The following SLC26A4 variants were observed in gnomAD, a reference collection of about 807,000 sequenced individuals.
SLC26A4 encodes the protein solute carrier family 26 member 4.
A neutral mutation model predicts 90.4 loss-of-function variants in SLC26A4; 93 were observed. The ratio of observed to expected loss-of-function variants is 1.03; its 90% CI spans 0.87 to 1.22. SLC26A4 has a LOEUF of 1.22. Among genes scored for constraint, SLC26A4 ranks in the 50% most tolerant of loss-of-function variants. The pLI is 0.00. For synonymous variants in SLC26A4, 393 were observed against 354.6 expected (o/e 1.11, Z -1.22); for missense variants, 1,127 against 946.2 (o/e 1.19, Z -2.51).
At chr7:107,706,712 C>A (rs1792044537) in intron 18 of SLC26A4, among the ~76,000 whole-genome samples, 1 of 152,078 alleles carries the variant, frequency 6.6e-6, no homozygotes, top group Non-Finnish European at 1.5e-5. Context: ...GATAATATAA[C>A]CAATGTTTTC....
At position 107,694,438 on chromosome 7, in the gene SLC26A4, C is replaced by T. The variant is rs397516415; in HGVS notation, c.1299C>T (p.Ile433=). 9 of 1,613,648 alleles carry T rather than the reference C, an allele frequency of 5.6e-6. No individual in the cohort carries two copies. The highest frequency in any genetic ancestry group is 1.1e-5 in the South Asian group (1 of 91,082). The change falls in exon 11 of 21, where the codon ATC becomes ATT. Residue 433 remains isoleucine, a synonymous_variant. Coordinates refer to ENST00000644269, the MANE Select transcript of SLC26A4 (RefSeq NM_000441.2). ...TCATCTCTGCTGCGATTGTGATGAT[C>T]GCCATTCTTGCCCTGGGGAAGCTTC... ...AGIISAAIVM[I]AILALGKLLE... is the part of the protein sequence containing the mutation.
At position 107,697,012 on chromosome 7, in the gene SLC26A4, A is replaced by G. The variant is rs187336808; in HGVS notation, c.1544+973A>G. On this transcript the variant is annotated intron_variant, in intron 13 of 20. Coordinates refer to ENST00000644269, the MANE Select transcript of SLC26A4 (RefSeq NM_000441.2). ...CTGCCCTCCTTCCCTACCTTGGCAT[A>G]TTGGTGCCTACCCAAAAGGCTTGTG... 2.0e-5 allele frequency among the ~76,000 whole-genome samples: 3 copies of G among 152,256 alleles called. No individual in the cohort carries two copies. In the East Asian group the frequency reaches 5.8e-4, roughly 29 times the overall value.
intron 9 of SLC26A4, 152 bp downstream of exon 9, chr7:107,689,352 A>G: frequency 1.3e-6 from 1 of 779,220 alleles, no homozygotes; most frequent in Non-Finnish European, 2.2e-6. Flanking sequence ...GCTAATTAGA[A>G]ATTATTTTGG....
intron 17 of SLC26A4, among the ~76,000 whole-genome samples, chr7:107,702,807 C>A (rs111852463): frequency 0.01 from 1,550 of 151,670 alleles, 28 homozygotes; most frequent in African/African-American, 0.035. Context: ...AAAAAATGGG[C>A]AAAAGTTTAT....
Position 107,699,969 on chromosome 7 carries a change from C to A in SLC26A4, c.1615-114C>A, listed in dbSNP as rs563467043. ...GAAAAGAAAGAAAAGTTGAGTGCTG[C>A]TACCCAGCTCCTCTGAGCAACTGTG... On this transcript the variant is annotated intron_variant, in intron 14 of 20. Transcript: ENST00000644269. The A allele has an allele frequency of 1.0e-4, 74 of 728,206 alleles. 2 individuals carry two copies. In the Middle Eastern group the frequency reaches 1.2e-3, roughly 12 times the overall value. 45.1% of individuals were successfully genotyped at this position (728,206 alleles called of 1,614,324 possible). A position where few individuals can be genotyped will look rare whatever the true frequency, so the allele number is the denominator to read the frequency against.
intron 17 of SLC26A4, among the ~76,000 whole-genome samples, chr7:107,702,564 C>A (rs1220597591): frequency 6.6e-6 from 1 of 151,964 alleles, no homozygotes; most frequent in Admixed American, 6.6e-5. Context: ...GTGGCGCACA[C>A]CTGTAGTCCC....
chr7:107,686,393 C>G (rs1276646303), intron 8 of SLC26A4, among the ~76,000 whole-genome samples: 2 of 142,498 alleles, frequency 1.4e-5, no homozygotes, highest in Non-Finnish European at 3.1e-5. Flanking sequence ...TTCCTTCCTT[C>G]CTCTCTCTCT....
chr7:107,693,764 C>A, intron 10 of SLC26A4: 1 of 978,328 alleles, frequency 1.0e-6, no homozygotes, highest in Non-Finnish European at 1.2e-6. Context: ...CTGTTTCAGG[C>A]TGCCTTGGGG....
At position 107,661,213 on chromosome 7, in the gene SLC26A4, G is replaced by A. The variant is rs935747193; in HGVS notation, c.-4+358G>A. ...GGAGCTGCGTCCCGGGTCAGGTGCG[G>A]GGAGGGAGGGAATCTCAGTGTCCCC... On this transcript the variant is annotated intron_variant, in intron 1 of 20. Coordinates refer to ENST00000644269, the MANE Select transcript of SLC26A4 (RefSeq NM_000441.2). The surrounding 1 kb of genome is among the most constrained non-coding windows in gnomAD (Gnocchi z 5.1). 4 of 223,642 alleles carry A rather than the reference G, an allele frequency of 1.8e-5. No homozygotes were observed. The highest frequency in any genetic ancestry group is 3.6e-5 in the Non-Finnish European group (4 of 112,048). 13.9% of individuals were successfully genotyped at this position (223,642 alleles called of 1,614,324 possible).
Position 107,696,049 on chromosome 7 carries a change from G to A in SLC26A4, c.1544+10G>A, listed in dbSNP as rs770325004. On this transcript the variant is annotated intron_variant, in intron 13 of 20. Coordinates refer to ENST00000644269, the MANE Select transcript of SLC26A4 (RefSeq NM_000441.2). The stretch of plus-strand genomic sequence containing the variant: ...TCCTGAGAGTTCAGTTGTGAGTAAC[G>A]TAAAACCCAGATTTCCTATAAACAG... The A allele has an allele frequency of 2.1e-5, 30 of 1,431,912 alleles. No individual in the cohort carries two copies. Among genetic ancestry groups the A allele is most frequent in the South Asian group, 1.3e-4 (11 of 87,476 alleles). 88.7% of individuals were successfully genotyped at this position (1,431,912 alleles called of 1,614,324 possible). A position where few individuals can be genotyped will look rare whatever the true frequency, so the allele number is the denominator to read the frequency against.
intron 10 of SLC26A4, among the ~76,000 whole-genome samples, chr7:107,692,281 A>G (rs534569003): frequency 2.0e-5 from 3 of 152,370 alleles, no homozygotes; most frequent in South Asian, 2.1e-4. Context: ...TCTGGGGTTA[A>G]AAGTCTAAGT....
At chr7:107,700,952 G>GATCT in intron 15 of SLC26A4, 149 bp from the exon 16 acceptor site, 1 of 637,912 alleles carries the variant, frequency 1.6e-6, no homozygotes, top group East Asian at 2.9e-5. Flanking sequence ...AGTAGACAGA[G>GATCT]ATCTACTCCA....
Position 107,701,890 on chromosome 7 carries a change from G to T in SLC26A4, c.1867G>T (p.Asp623Tyr), listed in dbSNP as rs1791897934. 1.2e-6 allele frequency: 2 copies of T among 1,613,264 alleles called. No individual in the cohort carries two copies. Among genetic ancestry groups the T allele is most frequent in the Non-Finnish European group, 1.7e-6 (2 of 1,179,204 alleles). The change falls in exon 17 of 21, where the codon GAT (aspartate) becomes TAT (tyrosine). Residue 623 changes from aspartate (D) to tyrosine (Y), a missense_variant. By Grantham distance (160) the Asp-to-Tyr change is radical. Transcript: ENST00000644269. ...NAFEPDEDIE[D>Y]LEELDIPTKE... is the part of the protein sequence containing the mutation. ...TTTTGAGCCTGATGAGGATATTGAA[G>T]ATCTGGAGGAACTTGATATCCCAAC...
intron 3 of SLC26A4, among the ~76,000 whole-genome samples, chr7:107,670,612 A>T (rs1313981255): frequency 6.6e-6 from 1 of 152,144 alleles, no homozygotes; most frequent in African/African-American, 2.4e-5. Flanking sequence ...ATGAAGCATA[A>T]CTTAGTTAAC....
intron 20 of SLC26A4, among the ~76,000 whole-genome samples, chr7:107,715,125 C>T (rs1034141265): frequency 1.4e-5 from 2 of 147,552 alleles, no homozygotes; most frequent in African/African-American, 5.0e-5. Flanking sequence ...ATCCCAGCTA[C>T]TCGGGAGGCT....
At chr7:107,666,895 G>T (rs1324868453) in intron 3 of SLC26A4, among the ~76,000 whole-genome samples, 1 of 152,200 alleles carries the variant, frequency 6.6e-6, no homozygotes, top group East Asian at 1.9e-4. Context: ...GTGAATTAAA[G>T]GGAGAATGGG....
chr7:107,690,385 C>G, intron 10 of SLC26A4, 148 bp downstream of exon 10: 1 of 672,490 alleles, frequency 1.5e-6, no homozygotes. Flanking sequence ...TCCTCTTGTT[C>G]CACTCCCTCA....
chr7:107,699,639 G>A (rs1236070738), intron 14 of SLC26A4, among the ~76,000 whole-genome samples: 4 of 151,976 alleles, frequency 2.6e-5, no homozygotes, highest in Admixed American at 2.6e-4. Context: ...TTCAAGAAAA[G>A]TTGTAGAGGC....
intron 13 of SLC26A4, 152 bp from the exon 14 acceptor site, chr7:107,697,890 T>C (rs1791783386): frequency 1.5e-6 from 1 of 671,280 alleles, no homozygotes; most frequent in African/African-American, 1.8e-5. Flanking sequence ...CAGCTGTTCA[T>C]TTCAGAGTTA....
Sources: gnomAD v4.1 joint callset for allele counts (sites outside exome capture counted in the v4.1 genomes callset) on GRCh38, gnomAD v4.1.1 for gene constraint, Gnocchi (gnomAD v3.1) non-coding constraint, MANE v1.5 for transcripts, NCBI Gene and HGNC (gene_info 2026-07-23, HGNC 2026-07-21) for gene names.